The following GNE variants were observed in gnomAD, a reference collection of about 807,000 sequenced individuals.
GNE encodes bifunctional UDP-N-acetylglucosamine 2-epimerase/N-acetylmannosamine kinase.
Under a neutral mutation model 61.8 loss-of-function variants are expected in GNE, and 41 were observed. That is an observed-to-expected ratio of 0.66 (90% CI 0.52 to 0.86). The LOEUF (loss-of-function observed/expected upper bound fraction) is 0.86, where lower values mean the gene tolerates loss of function less well. GNE is among the 40% of genes least tolerant of loss of function. The probability of loss-of-function intolerance (pLI) is 0.00; values close to 1 mark genes in which losing one functional copy is unlikely to be tolerated. For missense variants in GNE, 608 were observed against 909.1 expected, an observed-to-expected ratio of 0.67 and a Z score of 4.26; for synonymous variants, 264 against 326.4, an observed-to-expected ratio of 0.81 and a Z score of 2.06.
intron 5 of GNE, among the ~76,000 whole-genome samples, chr9:36,231,104 A>G (rs1829134161): frequency 8.2e-6 from 1 of 122,036 alleles, no homozygotes; most frequent in South Asian, 2.6e-4. Flanking sequence ...AGAGAGAGAG[A>G]AAGAGAAAGA....
intron 1 of GNE, among the ~76,000 whole-genome samples, chr9:36,256,337 T>C (rs7023330): frequency 0.78 from 115,727 of 147,794 alleles, 45,780 homozygotes; most frequent in African/African-American, 0.85. Flanking sequence ...CTCCGCTTCC[T>C]GGGTTCAAGC....
chr9:36,244,799 G>T (rs1216620121), intron 3 of GNE, among the ~76,000 whole-genome samples: 1 of 151,640 alleles, frequency 6.6e-6, no homozygotes, highest in Non-Finnish European at 1.5e-5. Context: ...AATTAGCCAG[G>T]TGTGGTGGTG....
At chr9:36,259,217 G>C (rs952927546), upstream of GNE, among the ~76,000 whole-genome samples, 1 of 152,180 alleles carries the variant, frequency 6.6e-6, no homozygotes, top group African/African-American at 2.4e-5. Context: ...ACCGAATCAG[G>C]CTTTAAGACT....
In GNE at chr9:36,246,049, T is replaced by C. The variant is rs369328625; in HGVS notation, c.598A>G (p.Ile200Val). Reference sequence around the variant, plus strand: ...TACGTACCTAGCCACATGCGAATGATGCTCATGTAGTCTTTGTTCTTGGCT... The same window carrying C: ...TACGTACCTAGCCACATGCGAATGACGCTCATGTAGTCTTTGTTCTTGGCT... ...LSAKNKDYMS[I>V]IRMWLGDDVK... The change falls in exon 3 of 12, where the codon ATC becomes GTC. Residue 200 changes from isoleucine to valine, a missense_variant. Ile to Val is a conservative substitution (Grantham distance 29, BLOSUM62 3). Transcript: ENST00000642385. 3 of 1,614,058 alleles carry C rather than the reference T, an allele frequency of 1.9e-6. No homozygotes were observed. The highest frequency in any genetic ancestry group is 2.5e-6 in the Non-Finnish European group (3 of 1,179,924).
In GNE at chr9:36,216,022, CT is replaced by C; in HGVS notation, c.*1342del. On this transcript the variant is annotated 3_prime_UTR_variant, in exon 12 of 12. Transcript: ENST00000642385. ...GATAAGGACAAGGTCACTAAGGCCA[CT>C]GTAATTTAGATCCCTGGTCTAAAGT... The C allele has an allele frequency of 3.5e-6, 1 of 287,324 alleles. No individual in the cohort carries two copies. The highest frequency in any genetic ancestry group is 7.0e-6 in the Non-Finnish European group (1 of 142,382). The allele number at this position is 287,324 out of a possible 1,614,324, so 17.8% of individuals were successfully genotyped here. A position where few individuals can be genotyped will look rare whatever the true frequency, so the allele number is the denominator to read the frequency against.
At chr9:36,233,533 G>A (rs1829262879) in intron 5 of GNE, among the ~76,000 whole-genome samples, 1 of 152,104 alleles carries the variant, frequency 6.6e-6, no homozygotes, top group Non-Finnish European at 1.5e-5. Flanking sequence ...CGGGCTTGGT[G>A]GCTGACGCCT....
intron 9 of GNE, among the ~76,000 whole-genome samples, chr9:36,222,118 T>C (rs1828612657): frequency 6.6e-6 from 1 of 152,034 alleles, no homozygotes; most frequent in African/African-American, 2.4e-5. Context: ...ACATGAAGGA[T>C]GTTTATCAAA....
In GNE at chr9:36,222,763, C is replaced by G. The variant is rs748208582; in HGVS notation, c.1633+14G>C. The G allele has an allele frequency of 3.8e-6, 6 of 1,565,852 alleles. No individual in the cohort carries two copies. Among genetic ancestry groups the G allele is most frequent in the South Asian group, 2.2e-5 (2 of 90,048 alleles). ...ATTCTAGCTCCTGAACCAACCTCCCCCTACCCCTCTTACCTGTGCCTGTGA... is the reference window on the plus strand; with the variant it reads ...ATTCTAGCTCCTGAACCAACCTCCCGCTACCCCTCTTACCTGTGCCTGTGA... On this transcript the variant is annotated intron_variant, in intron 9 of 11. Coordinates refer to ENST00000642385, the MANE Select transcript of GNE (RefSeq NM_005476.7).
chr9:36,217,452 C>G lies in GNE; in HGVS notation c.2082G>C (p.Val694=), dbSNP rs771658438. 25 of 1,614,162 alleles carry G rather than the reference C, an allele frequency of 1.5e-5. No individual in the cohort carries two copies. The highest frequency in any genetic ancestry group is 2.1e-5 in the Non-Finnish European group (25 of 1,180,030). The part of the protein sequence containing the change: ...RQQALSSVQD[V]DVVVSDLVDP... ...CAACCAAATCCGAAACCACCACATC[C>G]ACGTCCTGCACGGAGGACAAGGCCT... Residue 694 remains valine, a synonymous_variant, in exon 12 of 12, where the codon GTG becomes GTC. Transcript: ENST00000642385.
chr9:36,245,841 CT>C (rs1160200306), intron 3 of GNE, among the ~76,000 whole-genome samples, 189 bp downstream of exon 3: 2 of 152,162 alleles, frequency 1.3e-5, no homozygotes, highest in African/African-American at 4.8e-5. Context: ...TCCACTAAGC[CT>C]ATTTTACAGA....
At chr9:36,228,970 T>C (rs559573895) in intron 6 of GNE, 51 bp downstream of exon 6, 4 of 992,258 alleles carry the variant, frequency 4.0e-6, no homozygotes, top group East Asian at 4.7e-5. Flanking sequence ...AAAATGGTAC[T>C]GAAGGTAGCT....
intron 4 of GNE, among the ~76,000 whole-genome samples, 174 bp from the exon 5 acceptor site, chr9:36,234,306 C>T (rs963813542): frequency 6.6e-6 from 1 of 152,186 alleles, no homozygotes; most frequent in African/African-American, 2.4e-5. Flanking sequence ...TCTAAAATGT[C>T]CTCTGCTTCA....
At chr9:36,234,407 T>C (rs1829308920) in intron 4 of GNE, among the ~76,000 whole-genome samples, 2 of 152,112 alleles carry the variant, frequency 1.3e-5, no homozygotes, top group South Asian at 4.1e-4. Context: ...AGTAAAAGCC[T>C]TTACCTTAAA....
intron 6 of GNE, among the ~76,000 whole-genome samples, chr9:36,228,048 AAAAC>A (rs1828971768): frequency 6.6e-6 from 1 of 151,200 alleles, no homozygotes; most frequent in Non-Finnish European, 1.5e-5. Flanking sequence ...AAAAAAAAAA[AAAAC>A]AACCAACAAT....
At chr9:36,274,010 C>T (rs1054345960) in intron 1 of GNE, among the ~76,000 whole-genome samples, 1 of 151,766 alleles carries the variant, frequency 6.6e-6, no homozygotes, top group African/African-American at 2.4e-5. Flanking sequence ...TGTTAGACAT[C>T]ACTAAATTTA....
chr9:36,256,442 A>C (rs1348043812), intron 1 of GNE, among the ~76,000 whole-genome samples: 2 of 151,104 alleles, frequency 1.3e-5, no homozygotes, highest in East Asian at 3.9e-4. Flanking sequence ...ATGAGGTTTC[A>C]TCATGTTGGC....
intron 5 of GNE, among the ~76,000 whole-genome samples, chr9:36,232,729 A>G (rs1485020777): frequency 6.6e-6 from 1 of 152,218 alleles, no homozygotes; most frequent in Admixed American, 6.5e-5. Context: ...CAGGCACAGC[A>G]TATAGAATTC....
rs143369028 is a variant in GNE at position 36,265,774 on chromosome 9, C to T, written c.51+11120G>A. On this transcript the variant is annotated intron_variant, in intron 1 of 11. Coordinates refer to the GNE transcript ENST00000396594. ...TCAGGCATTAAATTCTCATAAGGAG[C>T]GTTCAACCTAGGTCCCTAGCATGCG... 5.3e-3 allele frequency among the ~76,000 whole-genome samples: 814 copies of T among 152,264 alleles called. 8 individuals are homozygous for T. The highest frequency in any genetic ancestry group is 0.018 in the African/African-American group (747 of 41,550).
intron 1 of GNE, among the ~76,000 whole-genome samples, chr9:36,252,712 A>C (rs7020839): frequency 0.78 from 119,060 of 152,010 alleles, 47,213 homozygotes; most frequent in African/African-American, 0.85. Context: ...TTAATTAACT[A>C]AATTTTTGAT....
Sources: gnomAD v4.1 joint callset for allele counts (sites outside exome capture counted in the v4.1 genomes callset) on GRCh38, gnomAD v4.1.1 for gene constraint, MANE v1.5 for transcripts, NCBI Gene and HGNC (gene_info 2026-07-23, HGNC 2026-07-21) for gene names.